ADCY1: variants seen among roughly 807,000 people sequenced by gnomAD.
ADCY1 encodes the protein adenylate cyclase type 1.
In ADCY1, 28 loss-of-function variants were observed where a neutral mutation model predicts 105.4. The observed-to-expected ratio is 0.27, with a 90% CI of 0.20 to 0.36. The LOEUF is 0.36. Among genes scored for constraint, ADCY1 ranks in the 10% least tolerant of loss-of-function variants. The pLI, the probability that ADCY1 is intolerant of heterozygous loss-of-function variation, is 1.00. For synonymous variants in ADCY1, 655 were observed against 623.8 expected, an observed-to-expected ratio of 1.05 and a Z score of -0.75; for missense variants, 977 against 1,434.2, an observed-to-expected ratio of 0.68 and a Z score of 5.15.
chr7:45,666,292 C>T (rs1355976226), intron 8 of ADCY1, among the ~76,000 whole-genome samples: 1 of 152,154 alleles, frequency 6.6e-6, no homozygotes, highest in African/African-American at 2.4e-5. Flanking sequence ...CCACTCCCCC[C>T]ACACCACAAC....
intron 17 of ADCY1, among the ~76,000 whole-genome samples, chr7:45,706,762 A>G (rs1219741505): frequency 6.6e-6 from 1 of 152,206 alleles, no homozygotes; most frequent in East Asian, 1.9e-4. Flanking sequence ...TTAGAGAATG[A>G]AAAGTCAAGT....
At chr7:45,623,561 C>T (rs906294342) in intron 4 of ADCY1, among the ~76,000 whole-genome samples, 2 of 152,206 alleles carry the variant, frequency 1.3e-5, no homozygotes, top group African/African-American at 2.4e-5. Flanking sequence ...AGAGAGAGCA[C>T]ATCTATTGCA....
rs143470624 is a variant in ADCY1 at position 45,591,970 on chromosome 7, C to T, written c.640-789C>T. ...CAGGACTAAGGGAGAGTGCAGAGACCGGGCTCTGGACACTGCGTTTCCCCA... is the reference window on the plus strand; with the variant it reads ...CAGGACTAAGGGAGAGTGCAGAGACTGGGCTCTGGACACTGCGTTTCCCCA... On this transcript the variant is annotated intron_variant, in intron 1 of 19. Coordinates refer to ENST00000297323, the MANE Select transcript of ADCY1 (RefSeq NM_021116.4). This position sits in a 1 kb window ranked among gnomAD's most constrained non-coding sequence, Gnocchi z 4.1. 2.4e-4 allele frequency among the ~76,000 whole-genome samples: 37 copies of T among 152,092 alleles called. No homozygotes were observed. Among genetic ancestry groups the T allele is most frequent in the African/African-American group, 7.7e-4 (32 of 41,468 alleles).
intron 5 of ADCY1, among the ~76,000 whole-genome samples, chr7:45,656,341 C>T (rs1316663700): frequency 6.6e-6 from 1 of 151,964 alleles, no homozygotes; most frequent in Non-Finnish European, 1.5e-5. Flanking sequence ...TGTAAAACTA[C>T]ATAGGTATTA....
chr7:45,605,971 T>C (rs1793362083), intron 2 of ADCY1, among the ~76,000 whole-genome samples: 2 of 152,188 alleles, frequency 1.3e-5, no homozygotes, highest in South Asian at 4.1e-4. Context: ...TTCTGTGACA[T>C]GACTCTGGTT....
At chr7:45,586,734 G>T (rs62459976) in intron 1 of ADCY1, among the ~76,000 whole-genome samples, 9,927 of 152,314 alleles carry the variant, frequency 0.065, 330 homozygotes, top group Non-Finnish European at 0.076. Flanking sequence ...CTCAGTCAGG[G>T]AGGGGGACAG....
rs1322483464 is a variant in ADCY1, at chr7:45,575,847, T to G, written c.639+665T>G. Among the ~76,000 whole-genome samples, 1 of 152,252 alleles carries G rather than the reference T, an allele frequency of 6.6e-6. No individual in the cohort carries two copies. The highest frequency in any genetic ancestry group is 1.5e-5 in the Non-Finnish European group (1 of 68,038). On this transcript the variant is annotated intron_variant, in intron 1 of 19. Coordinates refer to ENST00000297323, the MANE Select transcript of ADCY1 (RefSeq NM_021116.4). The surrounding 1 kb of genome is among the most constrained non-coding windows in gnomAD (Gnocchi z 4.7). ...TTTCTGCGCCCGAACTTTGTCACTG[T>G]CTTCCCAGTCGGGCGGGCGAGATGG...
At chr7:45,593,662 G>C (rs1399354538) in intron 2 of ADCY1, among the ~76,000 whole-genome samples, 1 of 152,204 alleles carries the variant, frequency 6.6e-6, no homozygotes, top group Non-Finnish European at 1.5e-5. Flanking sequence ...TAGCCTTGGG[G>C]CTTACAGGCC....
At chr7:45,679,487 G>T (rs1242546202) in intron 10 of ADCY1, among the ~76,000 whole-genome samples, 1 of 152,176 alleles carries the variant, frequency 6.6e-6, no homozygotes, top group Admixed American at 6.5e-5. Context: ...AGACTCAGGA[G>T]GGGCCCCCTT....
intron 2 of ADCY1, among the ~76,000 whole-genome samples, chr7:45,601,496 C>T (rs528232925): frequency 2.9e-4 from 44 of 152,188 alleles, no homozygotes; most frequent in East Asian, 1.2e-3. Flanking sequence ...GACTCCTTTT[C>T]GCAGTACTGC....
Position 45,722,050 on chromosome 7 carries a change from G to C in ADCY1, c.*8055G>C. The stretch of plus-strand genomic sequence containing the variant: ...GAGGGCAGTGGGAAGCTGGCCCGAC[G>C]GCAGCCAGAACTTGTTTCTCACCTC... On this transcript the variant is annotated 3_prime_UTR_variant, in exon 20 of 20. Transcript: ENST00000297323. 1 of 381,870 alleles carries C rather than the reference G, an allele frequency of 2.6e-6. No homozygotes were observed. The highest frequency in any genetic ancestry group is 4.6e-6 in the Non-Finnish European group (1 of 215,746). The allele number at this position is 381,870 out of a possible 1,614,324, so 23.7% of individuals were successfully genotyped here.
chr7:45,703,007 G>A lies in ADCY1; in HGVS notation c.2455-369G>A, dbSNP rs965426822. Among the ~76,000 whole-genome samples, 1 of 152,220 alleles carries A rather than the reference G, an allele frequency of 6.6e-6. No homozygotes were observed. Among genetic ancestry groups the A allele is most frequent in the Admixed American group, 6.5e-5 (1 of 15,290 alleles). ...CATTCTAGGACAGGTGCCCTGCGGG[G>A]CACATCAGGAGCTGCCTGGGGGCTG... On this transcript the variant is annotated intron_variant, in intron 14 of 19. Coordinates refer to ENST00000297323, the MANE Select transcript of ADCY1 (RefSeq NM_021116.4). This position sits in a 1 kb window ranked among gnomAD's most constrained non-coding sequence, Gnocchi z 5.9.
At chr7:45,582,232 A>C (rs957248005) in intron 1 of ADCY1, among the ~76,000 whole-genome samples, 6 of 152,184 alleles carry the variant, frequency 3.9e-5, no homozygotes, top group Non-Finnish European at 8.8e-5. Flanking sequence ...TTTTGAGTAG[A>C]TGTGCCATCC....
chr7:45,640,356 A>G (rs552325761), intron 4 of ADCY1, among the ~76,000 whole-genome samples: 1 of 152,350 alleles, frequency 6.6e-6, no homozygotes, highest in South Asian at 2.1e-4. Flanking sequence ...AAATTTCAGG[A>G]AAGCAGAAGT....
At chr7:45,662,917 C>T (rs1291319262) in intron 8 of ADCY1, among the ~76,000 whole-genome samples, 1 of 152,160 alleles carries the variant, frequency 6.6e-6, no homozygotes, top group Admixed American at 6.5e-5. Flanking sequence ...TCACCATCTG[C>T]CCCCCAGACA....
intron 3 of ADCY1, among the ~76,000 whole-genome samples, chr7:45,618,169 A>G (rs1191206905): frequency 1.3e-5 from 2 of 152,216 alleles, no homozygotes; most frequent in African/African-American, 2.4e-5. Flanking sequence ...GGAAAACTGG[A>G]TATGCATATG....
intron 3 of ADCY1, among the ~76,000 whole-genome samples, chr7:45,618,661 A>G (rs1584274633): frequency 3.9e-5 from 6 of 152,184 alleles, no homozygotes; most frequent in Non-Finnish European, 7.4e-5. Context: ...CCAAACCACA[A>G]TGAGAATCAT....
chr7:45,580,289 G>A (rs1792492391), intron 1 of ADCY1, among the ~76,000 whole-genome samples: 1 of 152,198 alleles, frequency 6.6e-6, no homozygotes, highest in African/African-American at 2.4e-5. Flanking sequence ...CATGTGCTGA[G>A]TCTGGTCGCA....
chr7:45,704,203 C>A (rs1785060169), intron 16 of ADCY1, among the ~76,000 whole-genome samples: 1 of 152,202 alleles, frequency 6.6e-6, no homozygotes, highest in Non-Finnish European at 1.5e-5. Flanking sequence ...GATGGGCAGA[C>A]AGGTGGGTGC....
Sources: allele counts gnomAD v4.1 joint callset (sites outside exome capture counted in the v4.1 genomes callset), GRCh38; gene constraint gnomAD v4.1.1; non-coding constraint Gnocchi (gnomAD v3.1); transcripts MANE v1.5; gene names NCBI Gene and HGNC (gene_info 2026-07-23, HGNC 2026-07-21).